Variants in ST6GALNAC3 observed in about 807,000 individuals in gnomAD.
ST6GALNAC3 encodes the protein ST6 N-acetylgalactosaminide alpha-2,6-sialyltransferase 3.
In ST6GALNAC3, 25 loss-of-function variants were observed where a neutral mutation model predicts 32.7. The observed-to-expected ratio is 0.76, with a 90% CI of 0.56 to 1.07. The LOEUF is 1.07. Ranked by LOEUF, ST6GALNAC3 falls within the 50% of genes least tolerant of loss-of-function variation. ST6GALNAC3 has a pLI of 0.00. For synonymous variants in ST6GALNAC3, 129 were observed against 133.1 expected, an observed-to-expected ratio of 0.97 and a Z score of 0.21; for missense variants, 355 against 382.4, an observed-to-expected ratio of 0.93 and a Z score of 0.60.
intron 2 of ST6GALNAC3, among the ~76,000 whole-genome samples, chr1:76,340,104 A>G (rs1406191701): frequency 1.3e-5 from 2 of 152,234 alleles, no homozygotes; most frequent in African/African-American, 2.4e-5. Flanking sequence ...TGGGCAACAT[A>G]CATGAAACCC....
chr1:76,173,292 C>A (rs898923999), intron 1 of ST6GALNAC3, among the ~76,000 whole-genome samples: 5 of 152,168 alleles, frequency 3.3e-5, no homozygotes, highest in African/African-American at 1.2e-4. Context: ...ATGCAGAAAA[C>A]TGAAGCTGGA....
intron 3 of ST6GALNAC3, among the ~76,000 whole-genome samples, chr1:76,516,800 T>C (rs931458141): frequency 1.3e-5 from 2 of 152,108 alleles, no homozygotes; most frequent in African/African-American, 2.4e-5. Flanking sequence ...TTCAGATTTC[T>C]ATTAGCTTGT....
At chr1:76,271,930 G>A (rs1276835016) in intron 1 of ST6GALNAC3, among the ~76,000 whole-genome samples, 1 of 152,114 alleles carries the variant, frequency 6.6e-6, no homozygotes, top group East Asian at 1.9e-4. Flanking sequence ...AGACTTTACA[G>A]ATCATTTAGA....
chr1:76,298,099 A>G (rs11581772), intron 1 of ST6GALNAC3, among the ~76,000 whole-genome samples: 5,065 of 152,162 alleles, frequency 0.033, 141 homozygotes, highest in Non-Finnish European at 0.049. Flanking sequence ...GGCTGGAGGA[A>G]CAGTCAGAGG....
At chr1:76,530,518 T>C (rs556320126) in intron 3 of ST6GALNAC3, among the ~76,000 whole-genome samples, 2 of 152,288 alleles carry the variant, frequency 1.3e-5, no homozygotes, top group East Asian at 3.9e-4. Flanking sequence ...TGAGCTGAGC[T>C]GAGAGATGGA....
At chr1:76,136,777 T>A (rs1326870479) in intron 1 of ST6GALNAC3, among the ~76,000 whole-genome samples, 1 of 152,226 alleles carries the variant, frequency 6.6e-6, no homozygotes, top group Non-Finnish European at 1.5e-5. Context: ...CTTTTATTTT[T>A]ACTCCCTTAG....
At chr1:76,203,429 A>G (rs1200027452) in intron 1 of ST6GALNAC3, among the ~76,000 whole-genome samples, 2 of 152,214 alleles carry the variant, frequency 1.3e-5, no homozygotes, top group African/African-American at 2.4e-5. Context: ...CAGGCTCTCC[A>G]GATGATTCTG....
At chr1:76,303,814 A>T (rs2100857311) in intron 1 of ST6GALNAC3, among the ~76,000 whole-genome samples, 1 of 152,232 alleles carries the variant, frequency 6.6e-6, no homozygotes, top group African/African-American at 2.4e-5. Context: ...ATTCAGATTT[A>T]CAAGTTCTAT....
chr1:76,437,405 A>G (rs1046255155), intron 3 of ST6GALNAC3, among the ~76,000 whole-genome samples: 2 of 151,996 alleles, frequency 1.3e-5, no homozygotes, highest in African/African-American at 4.8e-5. Context: ...CTGTTCAGTA[A>G]GATTTTCAGT....
chr1:76,180,158 A>T (rs1346385363), intron 1 of ST6GALNAC3, among the ~76,000 whole-genome samples: 3 of 152,240 alleles, frequency 2.0e-5, no homozygotes, highest in Non-Finnish European at 4.4e-5. Context: ...CCTAGCACAT[A>T]CTAGGTGTTC....
chr1:76,279,305 T>C (rs1344416449), intron 1 of ST6GALNAC3, among the ~76,000 whole-genome samples: 4 of 152,226 alleles, frequency 2.6e-5, no homozygotes, highest in Non-Finnish European at 5.9e-5. Context: ...AAAAGCCTCC[T>C]CTGTGGATCT....
chr1:76,607,328 A>T (rs1010612213), intron 3 of ST6GALNAC3, among the ~76,000 whole-genome samples: 3 of 152,138 alleles, frequency 2.0e-5, no homozygotes, highest in African/African-American at 7.2e-5. Flanking sequence ...TCCATTATGT[A>T]GGTAGAATTT....
Position 76,406,008 on chromosome 1 carries a change from C to A in ST6GALNAC3, c.214-6000C>A, listed in dbSNP as rs1037623102. Among the ~76,000 whole-genome samples the A allele has an allele frequency of 2.0e-5, 3 of 152,034 alleles. No individual in the cohort carries two copies. The East Asian group carries it at 5.8e-4, about 29-fold the overall frequency. On this transcript the variant is annotated intron_variant, in intron 2 of 4. Transcript: ENST00000328299. Reference sequence around the variant, plus strand: ...TTCACAGGGAATCAATTCCTCTGTACTTACATTCTTCAGTATTTTTCAGAA... The same window carrying A: ...TTCACAGGGAATCAATTCCTCTGTAATTACATTCTTCAGTATTTTTCAGAA...
At chr1:76,533,488 G>A (rs1416580645) in intron 3 of ST6GALNAC3, among the ~76,000 whole-genome samples, 1 of 152,026 alleles carries the variant, frequency 6.6e-6, no homozygotes, top group Non-Finnish European at 1.5e-5. Context: ...GCCTGCTCAG[G>A]AACCCCGCTT....
rs1338685994 is a variant in ST6GALNAC3, at chr1:76,476,235, A to G, written c.623+63818A>G. Among the ~76,000 whole-genome samples the G allele has an allele frequency of 3.3e-5, 5 of 152,164 alleles. No homozygotes were observed. The East Asian group carries it at 5.8e-4, about 18-fold the overall frequency. ...TTCTAATGCAGAAGGCAAACTTTCT[A>G]TGAAGGACCAGACAGTAAATATTTT... On this transcript the variant is annotated intron_variant, in intron 3 of 4. Transcript: ENST00000328299.
Position 76,276,344 on chromosome 1 carries a change from A to T in ST6GALNAC3, c.19-37461A>T, listed in dbSNP as rs1318597475. Reference sequence around the variant, plus strand: ...ATATTTTGCTTTCCTGTATAATTTTACCCTTTATGTATACAATCCTAAACA... The same window carrying T: ...ATATTTTGCTTTCCTGTATAATTTTTCCCTTTATGTATACAATCCTAAACA... On this transcript the variant is annotated intron_variant, in intron 1 of 4. Coordinates refer to ENST00000328299, the MANE Select transcript of ST6GALNAC3 (RefSeq NM_152996.4). 3.3e-5 allele frequency among the ~76,000 whole-genome samples: 5 copies of T among 152,184 alleles called. No individual in the cohort carries two copies. The South Asian group carries it at 1.0e-3, about 32-fold the overall frequency.
At chr1:76,415,992 T>C (rs914049954) in intron 3 of ST6GALNAC3, among the ~76,000 whole-genome samples, 4 of 151,190 alleles carry the variant, frequency 2.6e-5, no homozygotes, top group African/African-American at 9.7e-5. Flanking sequence ...CAATCACAGG[T>C]CTCAGAGATT....
chr1:76,516,099 C>T (rs1662155136), intron 3 of ST6GALNAC3, among the ~76,000 whole-genome samples: 2 of 152,144 alleles, frequency 1.3e-5, no homozygotes, highest in Non-Finnish European at 2.9e-5. Context: ...GCTGGCTGTG[C>T]AACCATGGAT....
intron 1 of ST6GALNAC3, among the ~76,000 whole-genome samples, chr1:76,284,121 T>G (rs1195964583): frequency 6.6e-6 from 1 of 152,196 alleles, no homozygotes; most frequent in African/African-American, 2.4e-5. Flanking sequence ...TACTATTAGA[T>G]TTGTAAGTTT....
Sources: gnomAD v4.1 joint callset for allele counts (sites outside exome capture counted in the v4.1 genomes callset) on GRCh38, gnomAD v4.1.1 for gene constraint, MANE v1.5 for transcripts, NCBI Gene and HGNC (gene_info 2026-07-23, HGNC 2026-07-21) for gene names.